ZNF618: variants seen among roughly 807,000 people sequenced by gnomAD.
ZNF618 encodes the protein neural precursor cell expressed, developmentally down-regulated 10.
Under a neutral mutation model 103.0 loss-of-function variants are expected in ZNF618, and 34 were observed. That is an observed-to-expected ratio of 0.33 (90% CI 0.25 to 0.44). The LOEUF is 0.44. ZNF618 is among the 20% of genes least tolerant of loss of function. ZNF618 has a pLI of 1.00. For missense variants in ZNF618, 1,059 were observed against 1,295.4 expected (o/e 0.82, Z 2.80); for synonymous variants, 551 against 542.2 (o/e 1.02, Z -0.23).
At chr9:113,910,483 G>A (rs1323349890) in intron 1 of ZNF618, among the ~76,000 whole-genome samples, 1 of 152,158 alleles carries the variant, frequency 6.6e-6, no homozygotes, top group Non-Finnish European at 1.5e-5. Flanking sequence ...GCCTAATAAC[G>A]AGCGTGTTCC....
intron 1 of ZNF618, among the ~76,000 whole-genome samples, chr9:113,909,702 A>G (rs1831329578): frequency 6.6e-6 from 1 of 151,864 alleles, no homozygotes; most frequent in Non-Finnish European, 1.5e-5. Flanking sequence ...TCCCGAGTCC[A>G]GCGCCTCCTG....
intron 1 of ZNF618, among the ~76,000 whole-genome samples, chr9:113,947,597 ACTG>A (rs1835163284): frequency 6.6e-6 from 1 of 152,120 alleles, no homozygotes; most frequent in Non-Finnish European, 1.5e-5. Context: ...GTTGAACTGA[ACTG>A]AGCTGAATTG....
Position 114,002,606 on chromosome 9 carries a change from C to CTT in ZNF618, c.512-17_512-16insTT. 6.2e-7 allele frequency: 1 copy of CTT among 1,601,410 alleles called. No homozygotes were observed. Among genetic ancestry groups the CTT allele is most frequent in the Non-Finnish European group, 8.5e-7 (1 of 1,173,538 alleles). ...GCCCGGTAGCCCCACCCCCATCCCT[C>CTT]TCTCTCTCTCTTTGCAGACACCGAA... On this transcript the variant is annotated splice_polypyrimidine_tract_variant and intron_variant, in intron 5 of 14. Transcript: ENST00000374126.
intron 2 of ZNF618, among the ~76,000 whole-genome samples, chr9:113,987,518 G>A (rs1839599219): frequency 6.6e-6 from 1 of 152,204 alleles, no homozygotes; most frequent in South Asian, 2.1e-4. Context: ...TTTTGAATTG[G>A]AGTTTCCCGT....
chr9:113,909,919 G>C (rs1159981917), intron 1 of ZNF618, among the ~76,000 whole-genome samples: 1 of 152,000 alleles, frequency 6.6e-6, no homozygotes, highest in Non-Finnish European at 1.5e-5. Flanking sequence ...CGAGTAGCTG[G>C]GATTATAGGC....
At chr9:113,999,206 G>A (rs1187399399) in intron 4 of ZNF618, among the ~76,000 whole-genome samples, 1 of 151,608 alleles carries the variant, frequency 6.6e-6, no homozygotes, top group Non-Finnish European at 1.5e-5. Flanking sequence ...GCAGGTGGGG[G>A]CCCTGGGCTT....
At position 114,002,080 on chromosome 9, in the gene ZNF618, G is replaced by A. The variant is rs923512678; in HGVS notation, c.511+7G>A. 1.2e-6 allele frequency: 2 copies of A among 1,612,048 alleles called. No homozygotes were observed. Among genetic ancestry groups the A allele is most frequent in the South Asian group, 1.1e-5 (1 of 91,074 alleles). On this transcript the variant is annotated splice_region_variant and intron_variant, in intron 5 of 14. Coordinates refer to ENST00000374126, the MANE Select transcript of ZNF618 (RefSeq NM_001318042.2). Reference sequence around the variant, plus strand: ...CACGTGCGGGCGCACCGAGGTGAGAGGAGTGTCCCTGGGGCAGAGCCCAGG... The same window carrying A: ...CACGTGCGGGCGCACCGAGGTGAGAAGAGTGTCCCTGGGGCAGAGCCCAGG...
At chr9:113,969,553 C>T (rs1322116221) in intron 2 of ZNF618, among the ~76,000 whole-genome samples, 1 of 152,234 alleles carries the variant, frequency 6.6e-6, no homozygotes, top group Non-Finnish European at 1.5e-5. Context: ...GTGCTCCTCT[C>T]TCTTCACCAG....
chr9:114,047,695 T>C (rs1352389488), intron 13 of ZNF618, among the ~76,000 whole-genome samples, 198 bp from the exon 14 acceptor site: 2 of 152,204 alleles, frequency 1.3e-5, no homozygotes, highest in African/African-American at 4.8e-5. Flanking sequence ...GTCCATATGA[T>C]TACCTTAGTT....
chr9:113,916,693 A>G (rs1832118103), intron 1 of ZNF618, among the ~76,000 whole-genome samples: 1 of 152,232 alleles, frequency 6.6e-6, no homozygotes. Flanking sequence ...CCCTCTCAGA[A>G]TGAGAACATG....
At position 114,016,800 on chromosome 9, in the gene ZNF618, C is replaced by T. The variant is rs141229778; in HGVS notation, c.844+16C>T. 34,295 of 1,601,870 alleles carry T rather than the reference C, an allele frequency of 0.021. 430 individuals are homozygous for T. Among genetic ancestry groups the T allele is most frequent in the Non-Finnish European group, 0.026 (30,367 of 1,171,698 alleles). On this transcript the variant is annotated intron_variant, in intron 10 of 14. Transcript: ENST00000374126. ...GCCCCCATCAGTGAGTACCTCCTCC[C>T]GGTAGGGATGGGGGTTGGGGGACCC...
chr9:113,888,316 G>T (rs1253864242), intron 1 of ZNF618, among the ~76,000 whole-genome samples: 1 of 152,212 alleles, frequency 6.6e-6, no homozygotes, highest in Non-Finnish European at 1.5e-5. Context: ...GGCGTCTGGG[G>T]AAGCTGCTCT....
At chr9:113,955,563 C>A (rs1027414518) in intron 1 of ZNF618, among the ~76,000 whole-genome samples, 1 of 151,672 alleles carries the variant, frequency 6.6e-6, no homozygotes. Context: ...GGCTGTTGAT[C>A]TTGTGATATA....
chr9:114,042,523 T>A (rs1845292218), intron 13 of ZNF618, among the ~76,000 whole-genome samples: 1 of 151,640 alleles, frequency 6.6e-6, no homozygotes, highest in South Asian at 2.1e-4. Context: ...TCTAAAAAAA[T>A]AAAATTAAAA....
At chr9:114,027,019 T>C (rs1431630441) in intron 10 of ZNF618, among the ~76,000 whole-genome samples, 1 of 151,998 alleles carries the variant, frequency 6.6e-6, no homozygotes, top group Non-Finnish European at 1.5e-5. Context: ...GTCCCCAAAC[T>C]CTGCCTCACA....
intron 1 of ZNF618, among the ~76,000 whole-genome samples, chr9:113,884,705 G>A (rs1179369366): frequency 1.3e-5 from 2 of 150,454 alleles, no homozygotes; most frequent in African/African-American, 2.4e-5. Context: ...CTTCCTTATC[G>A]ACACACACAC....
chr9:113,947,718 T>G (rs1835172337), intron 1 of ZNF618, among the ~76,000 whole-genome samples: 1 of 152,206 alleles, frequency 6.6e-6, no homozygotes, highest in Non-Finnish European at 1.5e-5. Context: ...GTGTGGAGGC[T>G]TCCGAGCTGG....
chr9:113,890,523 G>A (rs534240731), intron 1 of ZNF618, among the ~76,000 whole-genome samples: 2 of 152,304 alleles, frequency 1.3e-5, no homozygotes, highest in South Asian at 4.1e-4. Context: ...TGTGCGATTA[G>A]ATTTTGGTTA....
chr9:113,978,317 G>GA (rs1838673629), intron 2 of ZNF618, among the ~76,000 whole-genome samples: 1 of 152,218 alleles, frequency 6.6e-6, no homozygotes, highest in African/African-American at 2.4e-5. Context: ...ATGAAGCTAT[G>GA]ACCTTTTTCC....
Sources: allele counts gnomAD v4.1 joint callset (sites outside exome capture counted in the v4.1 genomes callset), GRCh38; gene constraint gnomAD v4.1.1; transcripts MANE v1.5; gene names NCBI Gene and HGNC (gene_info 2026-07-23, HGNC 2026-07-21).